Variants in CNTLN observed in about 807,000 individuals in gnomAD.
CNTLN encodes centlein, centrosomal protein.
Under a neutral mutation model 180.0 loss-of-function variants are expected in CNTLN, and 212 were observed. That is an observed-to-expected ratio of 1.18 (90% CI 1.05 to 1.32). CNTLN has a LOEUF of 1.32. Among genes scored for constraint, CNTLN ranks in the 40% most tolerant of loss-of-function variants. The pLI is 0.00. For synonymous variants in CNTLN, 722 were observed against 563.1 expected, an observed-to-expected ratio of 1.28 and a Z score of -3.99; for missense variants, 2,095 against 1,610.9, an observed-to-expected ratio of 1.30 and a Z score of -5.14.
At chr9:17,246,141 T>C (rs1348915931) in intron 5 of CNTLN, among the ~76,000 whole-genome samples, 1 of 152,158 alleles carries the variant, frequency 6.6e-6, no homozygotes, top group African/African-American at 2.4e-5. Context: ...ATCTATTGCA[T>C]TCTTTACAGT....
At chr9:17,261,035 G>A (rs1396917927) in intron 5 of CNTLN, among the ~76,000 whole-genome samples, 2 of 151,160 alleles carry the variant, frequency 1.3e-5, no homozygotes, top group Non-Finnish European at 2.9e-5. Flanking sequence ...TGGTCTCTGT[G>A]TCTGTTTTTG....
In CNTLN at chr9:17,331,144, G is replaced by A. The variant is rs1366555486; in HGVS notation, c.1518+336G>A. ...CTGATTAAAAATTTATTTTTAAATG[G>A]TATTTACTCACTTTTCTAATTTGAA... On this transcript the variant is annotated intron_variant, in intron 9 of 25. Transcript: ENST00000380647. 9.9e-5 allele frequency among the ~76,000 whole-genome samples: 15 copies of A among 151,242 alleles called. 1 individual carries two copies.
At chr9:17,464,405 T>G in intron 20 of CNTLN, 92 bp from the exon 21 acceptor site, 1 of 1,086,490 alleles carries the variant, frequency 9.2e-7, no homozygotes, top group Non-Finnish European at 1.3e-6. Flanking sequence ...ATTTAAAAAG[T>G]AACAGTAGGT....
rs202050905 is a variant in CNTLN, at chr9:17,363,635, C to T, written c.1887-2982C>T. Reference sequence around the variant, plus strand: ...TCTAAAGTTCATCACTAGCTGTATCCTCCTACAATACAAGGACCTTGAAAT... The same window carrying T: ...TCTAAAGTTCATCACTAGCTGTATCTTCCTACAATACAAGGACCTTGAAAT... On this transcript the variant is annotated intron_variant, in intron 12 of 25. Coordinates refer to ENST00000380647, the MANE Select transcript of CNTLN (RefSeq NM_017738.4). Among the ~76,000 whole-genome samples the T allele has an allele frequency of 1.3e-4, 20 of 151,826 alleles. No homozygotes were observed. The East Asian group carries it at 3.7e-3, about 28-fold the overall frequency.
intron 24 of CNTLN, among the ~76,000 whole-genome samples, chr9:17,484,691 C>G (rs1486015550): frequency 1.3e-5 from 2 of 152,018 alleles, no homozygotes; most frequent in Non-Finnish European, 2.9e-5. Flanking sequence ...TAGAAATAAG[C>G]TAGTACTTAT....
At chr9:17,153,244 T>A (rs540896305) in intron 2 of CNTLN, among the ~76,000 whole-genome samples, 5 of 152,342 alleles carry the variant, frequency 3.3e-5, no homozygotes, top group African/African-American at 1.2e-4. Flanking sequence ...AGTTTCTTCA[T>A]AGTGTCAATG....
intron 5 of CNTLN, among the ~76,000 whole-genome samples, chr9:17,272,180 G>T (rs1312444041): frequency 1.4e-5 from 2 of 144,120 alleles, no homozygotes; most frequent in Non-Finnish European, 3.0e-5. Context: ...GGGTTCAAGC[G>T]ATTCTTTTGC....
At chr9:17,152,039 A>G (rs1170583175) in intron 2 of CNTLN, among the ~76,000 whole-genome samples, 1 of 151,804 alleles carries the variant, frequency 6.6e-6, no homozygotes, top group Non-Finnish European at 1.5e-5. Context: ...CATCTATTTG[A>G]TTCTTCTTGC....
At chr9:17,496,709 A>C (rs944479246) in intron 25 of CNTLN, among the ~76,000 whole-genome samples, 1 of 152,160 alleles carries the variant, frequency 6.6e-6, no homozygotes, top group African/African-American at 2.4e-5. Flanking sequence ...TGAGCCCCCA[A>C]ATTCTTTCTT....
intron 5 of CNTLN, among the ~76,000 whole-genome samples, chr9:17,269,542 T>C (rs539667268): frequency 6.6e-6 from 1 of 152,296 alleles, no homozygotes. Context: ...TGTTTAAGAA[T>C]GTTTTGCTTA....
At chr9:17,272,883 T>TTCCC (rs1181795398) in intron 5 of CNTLN, among the ~76,000 whole-genome samples, 1 of 152,042 alleles carries the variant, frequency 6.6e-6, no homozygotes, top group African/African-American at 2.4e-5. Context: ...AAGGCTTGCT[T>TTCCC]TCCCTCCCTC....
intron 12 of CNTLN, among the ~76,000 whole-genome samples, chr9:17,360,130 AT>A (rs1823246453): frequency 6.6e-6 from 1 of 152,188 alleles, no homozygotes; most frequent in African/African-American, 2.4e-5. Flanking sequence ...TTTGAAGTGT[AT>A]TTTAAATTTT....
intron 19 of CNTLN, among the ~76,000 whole-genome samples, chr9:17,459,356 T>C (rs1200568449): frequency 6.6e-6 from 1 of 151,812 alleles, no homozygotes; most frequent in African/African-American, 2.4e-5. Flanking sequence ...GAGGAATGTG[T>C]GAGTCAGAAA....
In CNTLN at chr9:17,335,665, C is replaced by T. The variant is rs145875275; in HGVS notation, c.1644+2935C>T. Among the ~76,000 whole-genome samples, 586 of 152,166 alleles carry T rather than the reference C, an allele frequency of 3.9e-3. 2 individuals carry two copies. Among genetic ancestry groups the T allele is most frequent in the African/African-American group, 0.013 (534 of 41,522 alleles). Reference sequence around the variant, plus strand: ...TACACAGAAAGAGCCTTGCCAGGCACGATGGCTCAGGCCTGTAATTGTAGC... The same window carrying T: ...TACACAGAAAGAGCCTTGCCAGGCATGATGGCTCAGGCCTGTAATTGTAGC... On this transcript the variant is annotated intron_variant, in intron 10 of 25. Coordinates refer to ENST00000380647, the MANE Select transcript of CNTLN (RefSeq NM_017738.4).
chr9:17,315,994 T>G (rs1342013051), intron 8 of CNTLN, among the ~76,000 whole-genome samples: 1 of 151,978 alleles, frequency 6.6e-6, no homozygotes, highest in African/African-American at 2.4e-5. Flanking sequence ...TGGCTTGTAA[T>G]GTTCTTCCAG....
intron 5 of CNTLN, among the ~76,000 whole-genome samples, chr9:17,268,633 C>A (rs950214350): frequency 6.6e-6 from 1 of 152,166 alleles, no homozygotes; most frequent in Non-Finnish European, 1.5e-5. Context: ...TGCCCTGCCC[C>A]CAGAGGTGGA....
chr9:17,498,191 G>T (rs776109845), intron 25 of CNTLN, among the ~76,000 whole-genome samples: 3 of 152,020 alleles, frequency 2.0e-5, no homozygotes, highest in Admixed American at 1.3e-4. Flanking sequence ...CAATGCAAAA[G>T]AATTTCAATT....
chr9:17,293,049 G>T (rs1418050170), intron 6 of CNTLN, among the ~76,000 whole-genome samples: 1 of 152,162 alleles, frequency 6.6e-6, no homozygotes, highest in Non-Finnish European at 1.5e-5. Context: ...GGTTTGCTGG[G>T]GGTCACTCCA....
At position 17,300,923 on chromosome 9, in the gene CNTLN, T is replaced by C. The variant is rs922409547; in HGVS notation, c.1146+2571T>C. 3.1e-6 allele frequency: 3 copies of C among 958,114 alleles called. No homozygotes were observed. The Admixed American group carries it at 1.8e-4, about 59-fold the overall frequency. 59.4% of individuals were successfully genotyped at this position (958,114 alleles called of 1,614,324 possible). A position where few individuals can be genotyped will look rare whatever the true frequency, so the allele number is the denominator to read the frequency against. On this transcript the variant is annotated intron_variant, in intron 7 of 25. Transcript: ENST00000380647. ...CCCAGTTATCTGCATAGATACCATT[T>C]TACTTCCTTTATTCTACAACTCTTA...
Sources: gnomAD v4.1 joint callset for allele counts (sites outside exome capture counted in the v4.1 genomes callset) on GRCh38, gnomAD v4.1.1 for gene constraint, MANE v1.5 for transcripts, NCBI Gene and HGNC (gene_info 2026-07-23, HGNC 2026-07-21) for gene names.